SCAPER: variants seen among roughly 807,000 people sequenced by gnomAD.
SCAPER encodes the protein S phase cyclin A-associated protein in the endoplasmic reticulum.
In SCAPER, 98 loss-of-function variants were observed where a neutral mutation model predicts 182.2. The ratio of observed to expected loss-of-function variants is 0.54; its 90% CI spans 0.46 to 0.64. The LOEUF (loss-of-function observed/expected upper bound fraction) is 0.64, where lower values mean the gene tolerates loss of function less well. SCAPER is among the 30% of genes least tolerant of loss of function. SCAPER has a pLI of 0.00. For synonymous variants in SCAPER, 605 were observed against 564.6 expected (o/e 1.07, Z -1.01); for missense variants, 1,432 against 1,690.0 (o/e 0.85, Z 2.68).
chr15:76,754,523 G>C (rs1409950855), intron 14 of SCAPER, among the ~76,000 whole-genome samples: 6 of 151,982 alleles, frequency 3.9e-5, no homozygotes, highest in Non-Finnish European at 2.9e-5. Flanking sequence ...TGTAGTAATT[G>C]CTATTTGATG....
chr15:76,367,272 T>C (rs971437890), intron 29 of SCAPER, among the ~76,000 whole-genome samples: 2 of 152,196 alleles, frequency 1.3e-5, no homozygotes, highest in Admixed American at 1.3e-4. Context: ...TGTGATGGGC[T>C]TTCTGTAACT....
intron 4 of SCAPER, among the ~76,000 whole-genome samples, chr15:76,846,041 A>G (rs1156488934): frequency 3.9e-5 from 6 of 152,172 alleles, no homozygotes. Flanking sequence ...AAAAAAAATC[A>G]TACACCTACA....
intron 23 of SCAPER, among the ~76,000 whole-genome samples, chr15:76,524,916 T>C (rs767152755): frequency 6.6e-6 from 1 of 152,024 alleles, no homozygotes; most frequent in Non-Finnish European, 1.5e-5. Flanking sequence ...TTACTGACCA[T>C]ATTAAAACAG....
In SCAPER at chr15:76,348,754, G is replaced by A; in HGVS notation, c.4100-18C>T. ...GCATTTCCCTGAGAGGGGGATAAAAGAGAAAAAAGTTAAATAAAAGAGGGT... is the reference window on the plus strand; with the variant it reads ...GCATTTCCCTGAGAGGGGGATAAAAAAGAAAAAAGTTAAATAAAAGAGGGT... On this transcript the variant is annotated intron_variant, in intron 31 of 31. Coordinates refer to ENST00000563290, the MANE Select transcript of SCAPER (RefSeq NM_020843.4). The A allele has an allele frequency of 2.8e-6, 4 of 1,423,102 alleles. No individual in the cohort carries two copies. The highest frequency in any genetic ancestry group is 3.8e-6 in the Non-Finnish European group (4 of 1,060,692). 88.2% of individuals were successfully genotyped at this position (1,423,102 alleles called of 1,614,324 possible). A position where few individuals can be genotyped will look rare whatever the true frequency, so the allele number is the denominator to read the frequency against.
chr15:76,870,140 C>T (rs1475645266), intron 2 of SCAPER, among the ~76,000 whole-genome samples: 1 of 151,702 alleles, frequency 6.6e-6, no homozygotes, highest in Non-Finnish European at 1.5e-5. Context: ...TTAATGGGTA[C>T]AAATATATGG....
At chr15:76,607,784 T>C (rs550058477) in intron 22 of SCAPER, among the ~76,000 whole-genome samples, 1 of 152,330 alleles carries the variant, frequency 6.6e-6, no homozygotes, top group South Asian at 2.1e-4. Context: ...CCATCGCTGA[T>C]ACCCTTTCTT....
At chr15:76,442,533 C>A (rs2047688246) in intron 25 of SCAPER, among the ~76,000 whole-genome samples, 1 of 152,192 alleles carries the variant, frequency 6.6e-6, no homozygotes, top group Non-Finnish European at 1.5e-5. Context: ...TTGTGAGTAT[C>A]CAGTTCCTTA....
At chr15:76,702,515 T>C (rs2059013208) in intron 19 of SCAPER, among the ~76,000 whole-genome samples, 1 of 152,138 alleles carries the variant, frequency 6.6e-6, no homozygotes, top group African/African-American at 2.4e-5. Context: ...TGGCATGATC[T>C]TGGCTCACTG....
At chr15:76,767,132 T>TTCCA in intron 10 of SCAPER, 44 bp from the exon 11 acceptor site, 1 of 1,482,496 alleles carries the variant, frequency 6.7e-7, no homozygotes, top group African/African-American at 1.4e-5. Context: ...AATGATCACT[T>TTCCA]GACTGGAAAG....
chr15:76,772,735 C>T (rs1598637407), intron 9 of SCAPER, among the ~76,000 whole-genome samples: 1 of 151,910 alleles, frequency 6.6e-6, no homozygotes, highest in East Asian at 1.9e-4. Context: ...AAAAACCTTC[C>T]AATTTAGCAG....
chr15:76,471,595 T>C (rs990795517), intron 24 of SCAPER, among the ~76,000 whole-genome samples: 5 of 152,202 alleles, frequency 3.3e-5, no homozygotes, highest in Non-Finnish European at 2.9e-5. Flanking sequence ...TGGAAACATA[T>C]TTTACCAGTC....
chr15:76,711,269 G>T lies in SCAPER; in HGVS notation c.2166-5285C>A, dbSNP rs138157274. Among the ~76,000 whole-genome samples the T allele has an allele frequency of 5.3e-5, 8 of 152,224 alleles. No individual in the cohort carries two copies. The East Asian group carries it at 1.5e-3, about 29-fold the overall frequency. ...TTAAAATCTGAAAAGATAAGCCATA[G>T]ATTGTAAGTCATACACTTCACAAAG... On this transcript the variant is annotated intron_variant, in intron 17 of 31. Transcript: ENST00000563290.
intron 20 of SCAPER, among the ~76,000 whole-genome samples, chr15:76,687,243 A>T (rs1156307577): frequency 6.6e-6 from 1 of 152,176 alleles, no homozygotes; most frequent in Non-Finnish European, 1.5e-5. Context: ...CATGATAATT[A>T]AGACATTTGA....
At position 76,410,552 on chromosome 15, in the gene SCAPER, T is replaced by G. The variant is rs148519547; in HGVS notation, c.3312-5873A>C. On this transcript the variant is annotated intron_variant, in intron 26 of 31. Coordinates refer to ENST00000563290, the MANE Select transcript of SCAPER (RefSeq NM_020843.4). ...AGACAAGGCCCAAGGCTGAGGTAGA[T>G]AGAAGCTAATTCTACCTCTAAAATA... Among the ~76,000 whole-genome samples, 501 of 152,346 alleles carry G rather than the reference T, an allele frequency of 3.3e-3. 2 individuals are homozygous for G. Among genetic ancestry groups the G allele is most frequent in the African/African-American group, 0.011 (476 of 41,580 alleles).
chr15:76,876,409 C>T (rs148279840), intron 2 of SCAPER, among the ~76,000 whole-genome samples: 20 of 129,852 alleles, frequency 1.5e-4, no homozygotes, highest in Non-Finnish European at 2.5e-4. Flanking sequence ...GCCTGGGCAA[C>T]AGAGTAGGGC....
intron 25 of SCAPER, among the ~76,000 whole-genome samples, chr15:76,453,187 C>T (rs2048497324): frequency 6.6e-6 from 1 of 152,166 alleles, no homozygotes; most frequent in Non-Finnish European, 1.5e-5. Context: ...TGCCCCATCA[C>T]CACTAAATAC....
chr15:76,900,399 A>T (rs1040322107), intron 1 of SCAPER, among the ~76,000 whole-genome samples: 9 of 152,128 alleles, frequency 5.9e-5, no homozygotes, highest in African/African-American at 1.9e-4. Context: ...TACAAAAAAA[A>T]ATATGGATAT....
At chr15:76,472,462 A>AC in intron 24 of SCAPER, 1 of 473,132 alleles carries the variant, frequency 2.1e-6, no homozygotes. Flanking sequence ...AATTTGTTTT[A>AC]CTTTTTTTTA....
intron 23 of SCAPER, among the ~76,000 whole-genome samples, chr15:76,541,882 C>A (rs1373551469): frequency 6.6e-6 from 1 of 152,036 alleles, no homozygotes; most frequent in Non-Finnish European, 1.5e-5. Context: ...ATAAAAAATA[C>A]TTGCTTGTAA....
Sources: gnomAD v4.1 joint callset for allele counts (sites outside exome capture counted in the v4.1 genomes callset) on GRCh38, gnomAD v4.1.1 for gene constraint, MANE v1.5 for transcripts, NCBI Gene and HGNC (gene_info 2026-07-23, HGNC 2026-07-21) for gene names.